Variants in SAXO1 observed in about 807,000 individuals in gnomAD.
SAXO1 encodes 4930500O09Rik.
In SAXO1, 21 loss-of-function variants were observed where a neutral mutation model predicts 17.5. The observed-to-expected ratio is 1.20, with a 90% CI of 0.85 to 1.72. The LOEUF is 1.72. Among genes scored for constraint, SAXO1 ranks in the 40% most tolerant of loss-of-function variants. The pLI is 0.00. For synonymous variants in SAXO1, 274 were observed against 216.5 expected, an observed-to-expected ratio of 1.27 and a Z score of -2.33; for missense variants, 843 against 596.0, an observed-to-expected ratio of 1.41 and a Z score of -4.32.
At chr9:18,932,279 A>G (rs1186746635) in intron 3 of SAXO1, among the ~76,000 whole-genome samples, 1 of 152,226 alleles carries the variant, frequency 6.6e-6, no homozygotes, top group African/African-American at 2.4e-5. Context: ...CATTCATCAA[A>G]AAGACTATCC....
intron 1 of SAXO1, among the ~76,000 whole-genome samples, chr9:18,967,124 T>A (rs1279210173): frequency 6.6e-6 from 1 of 152,156 alleles, no homozygotes; most frequent in Non-Finnish European, 1.5e-5. Flanking sequence ...GGAAGCTTCA[T>A]CCCAGAGGGG....
At chr9:18,954,908 GA>G (rs35168788) in intron 1 of SAXO1, among the ~76,000 whole-genome samples, 9 of 114,556 alleles carry the variant, frequency 7.9e-5, no homozygotes, top group East Asian at 4.8e-4. Flanking sequence ...ACACAGGTAA[GA>G]AAAAAAAGTT....
At chr9:18,999,785 G>A (rs1324600594) in intron 1 of SAXO1, among the ~76,000 whole-genome samples, 24 of 93,508 alleles carry the variant, frequency 2.6e-4, no homozygotes, top group Admixed American at 3.5e-4. Context: ...ACCATCTGGA[G>A]AGTGAGGAGC....
chr9:19,027,716 C>A, intron 1 of SAXO1: 1 of 1,395,584 alleles, frequency 7.2e-7, no homozygotes, highest in East Asian at 2.3e-5. Context: ...AGGCACCAAG[C>A]ACTTTGACAG....
At chr9:18,961,165 C>A (rs1563945568) in intron 1 of SAXO1, among the ~76,000 whole-genome samples, 1 of 144,276 alleles carries the variant, frequency 6.9e-6, no homozygotes, top group African/African-American at 2.9e-5. Flanking sequence ...CTTTGAAATT[C>A]TTTCTTTTTT....
At chr9:19,002,438 C>CA (rs1334130586) in intron 1 of SAXO1, among the ~76,000 whole-genome samples, 1 of 152,032 alleles carries the variant, frequency 6.6e-6, no homozygotes, top group Non-Finnish European at 1.5e-5. Context: ...AGAGACACAA[C>CA]AAAAAAAGAG....
At chr9:18,996,435 G>A (rs929282828) in intron 1 of SAXO1, among the ~76,000 whole-genome samples, 1 of 152,220 alleles carries the variant, frequency 6.6e-6, no homozygotes, top group Admixed American at 6.5e-5. Context: ...CTCCTAGGCT[G>A]TAAGCCTGTA....
chr9:19,006,231 A>G (rs1038450864), intron 1 of SAXO1, among the ~76,000 whole-genome samples: 1 of 152,234 alleles, frequency 6.6e-6, no homozygotes, highest in African/African-American at 2.4e-5. Context: ...AAAAAGTTAA[A>G]CATAGAATTA....
chr9:18,930,374 C>A (rs1361966354), intron 3 of SAXO1, among the ~76,000 whole-genome samples: 1 of 152,188 alleles, frequency 6.6e-6, no homozygotes, highest in Non-Finnish European at 1.5e-5. Flanking sequence ...CTTCAGGCAG[C>A]ACTGTAAGCC....
intron 1 of SAXO1, among the ~76,000 whole-genome samples, chr9:18,969,102 T>G (rs556873019): frequency 6.6e-6 from 1 of 152,198 alleles, no homozygotes; most frequent in African/African-American, 2.4e-5. Flanking sequence ...TACAAATCCC[T>G]AAGCAGTGGG....
intron 1 of SAXO1, among the ~76,000 whole-genome samples, chr9:19,044,817 G>A (rs1444200561): frequency 6.6e-6 from 1 of 150,528 alleles, no homozygotes; most frequent in Non-Finnish European, 1.5e-5. Context: ...GAGCCGAGAT[G>A]GCGCCACTGC....
chr9:18,944,958 C>T (rs2131711408), intron 2 of SAXO1, among the ~76,000 whole-genome samples: 1 of 152,296 alleles, frequency 6.6e-6, no homozygotes, highest in African/African-American at 2.4e-5. Context: ...AGTTCCTCCT[C>T]TTGGCCAAAG....
At chr9:18,975,545 T>A (rs1225882982) in intron 1 of SAXO1, among the ~76,000 whole-genome samples, 3 of 152,232 alleles carry the variant, frequency 2.0e-5, no homozygotes, top group Admixed American at 2.0e-4. Flanking sequence ...GTGGCAGTTA[T>A]GATTTGCACT....
At position 19,000,352 on chromosome 9, in the gene SAXO1, G is replaced by A. The variant is rs551620426; in HGVS notation, c.38+32519C>T. ...GCCACCACCCTGTCTGGGAAGTGAGGAGCCCCTCTGCCCGGCCACCCAACT... is the reference window on the plus strand; with the variant it reads ...GCCACCACCCTGTCTGGGAAGTGAGAAGCCCCTCTGCCCGGCCACCCAACT... On this transcript the variant is annotated intron_variant, in intron 1 of 3. Transcript: ENST00000380534. Among the ~76,000 whole-genome samples, 452 of 148,606 alleles carry A rather than the reference G, an allele frequency of 3.0e-3. 8 individuals carry two copies. The South Asian group carries it at 0.045, about 15-fold the overall frequency.
intron 1 of SAXO1, among the ~76,000 whole-genome samples, chr9:18,953,794 C>G (rs1412962956): frequency 6.6e-6 from 1 of 152,150 alleles, no homozygotes. Context: ...GATGGATAAA[C>G]AGTGTGTAAG....
chr9:19,024,012 CTTTTTTT>C (rs71333077), intron 1 of SAXO1, among the ~76,000 whole-genome samples: 35 of 38,108 alleles, frequency 9.2e-4, no homozygotes, highest in Admixed American at 2.5e-3. Context: ...CTCTTTAAGG[CTTTTTTT>C]TTTTTTTTTT....
chr9:18,998,995 A>C (rs1834131099), intron 1 of SAXO1, among the ~76,000 whole-genome samples: 1 of 152,248 alleles, frequency 6.6e-6, no homozygotes, highest in Admixed American at 6.5e-5. Context: ...CAGCCACTGC[A>C]AAAACATGCC....
intron 1 of SAXO1, among the ~76,000 whole-genome samples, chr9:19,045,232 C>A (rs1253322956): frequency 7.0e-6 from 1 of 141,922 alleles, no homozygotes; most frequent in Non-Finnish European, 1.5e-5. Context: ...ATGGCGTGAA[C>A]CTGGGAAGCG....
intron 1 of SAXO1, among the ~76,000 whole-genome samples, chr9:18,963,704 G>C (rs1355362300): frequency 1.3e-5 from 2 of 152,156 alleles, no homozygotes; most frequent in East Asian, 3.9e-4. Context: ...TGAGACAATG[G>C]AGTTTTCTAA....
Sources: gnomAD v4.1 joint callset for allele counts (sites outside exome capture counted in the v4.1 genomes callset) on GRCh38, gnomAD v4.1.1 for gene constraint, MANE v1.5 for transcripts, NCBI Gene and HGNC (gene_info 2026-07-23, HGNC 2026-07-21) for gene names.